ZBTB7C: variants seen among roughly 807,000 people sequenced by gnomAD.
ZBTB7C encodes zinc finger and BTB domain containing 7C.
Under a neutral mutation model 25.7 loss-of-function variants are expected in ZBTB7C, and 8 were observed. That is an observed-to-expected ratio of 0.31 (90% CI 0.18 to 0.56). The LOEUF is 0.56. Among genes scored for constraint, ZBTB7C ranks in the 20% least tolerant of loss-of-function variants. The pLI is 0.91. For synonymous variants in ZBTB7C, 394 were observed against 369.0 expected, an observed-to-expected ratio of 1.07 and a Z score of -0.78; for missense variants, 824 against 855.2, an observed-to-expected ratio of 0.96 and a Z score of 0.46.
intron 2 of ZBTB7C, among the ~76,000 whole-genome samples, chr18:48,253,431 G>C (rs2043927513): frequency 6.6e-6 from 1 of 152,142 alleles, no homozygotes; most frequent in South Asian, 2.1e-4. Context: ...CCAGACATGA[G>C]GCACTGAAAG....
At chr18:48,375,249 T>C (rs2047492178) in intron 1 of ZBTB7C, among the ~76,000 whole-genome samples, 1 of 152,182 alleles carries the variant, frequency 6.6e-6, no homozygotes, top group South Asian at 2.1e-4. Context: ...CCACCCGCAG[T>C]CTCTCCCCGC....
rs2039180529 is a variant in ZBTB7C, at chr18:48,110,063, G to A, written c.-16-68940C>T. Among the ~76,000 whole-genome samples, 2 of 151,794 alleles carry A rather than the reference G, an allele frequency of 1.3e-5. 1 individual carries two copies. The highest frequency in any genetic ancestry group is 4.2e-4 in the South Asian group (2 of 4,814). On this transcript the variant is annotated intron_variant, in intron 3 of 4. Transcript: ENST00000590800. ...TAGAGACCCAGGATCCTTACATTCA[G>A]CTCAGCATTCTTTCCTACTCTGTAT... is the stretch of plus-strand genomic sequence containing the variant.
At chr18:48,399,013 A>G (rs2048095427) in intron 1 of ZBTB7C, among the ~76,000 whole-genome samples, 1 of 152,246 alleles carries the variant, frequency 6.6e-6, no homozygotes, top group Non-Finnish European at 1.5e-5. Flanking sequence ...TCAGCAAAAG[A>G]CTGGAAACAA....
Position 48,029,727 on chromosome 18 carries a change from G to A in ZBTB7C, c.1393C>T (p.Arg465Cys), listed in dbSNP as rs1309913537. The A allele has an allele frequency of 1.2e-6, 2 of 1,602,340 alleles. No homozygotes were observed. The highest frequency in any genetic ancestry group is 1.7e-6 in the Non-Finnish European group (2 of 1,176,758). ...CGGCAGCTCTGGCGCTTGATGTGGC[G>A]GTGCAGGTGGTCAGAGCGCGTGAAG... ...KSFTRSDHLH[R>C]HIKRQSCRMA... Residue 465 changes from arginine (R) to cysteine (C), a missense_variant, in exon 5 of 5, where the codon CGC (arginine) becomes TGC (cysteine). By Grantham distance (180) the Arg-to-Cys change is radical. Coordinates refer to ENST00000590800, the MANE Select transcript of ZBTB7C (RefSeq NM_001318841.2).
chr18:48,378,146 A>G (rs1046484756), intron 1 of ZBTB7C, among the ~76,000 whole-genome samples: 2 of 152,188 alleles, frequency 1.3e-5, no homozygotes, highest in Admixed American at 1.3e-4. Context: ...TTCAAAAAAA[A>G]AGGAAGGTTG....
At chr18:48,303,817 A>C (rs1489811559) in intron 2 of ZBTB7C, among the ~76,000 whole-genome samples, 2 of 152,262 alleles carry the variant, frequency 1.3e-5, no homozygotes, top group African/African-American at 2.4e-5. Flanking sequence ...CCCTTTTTCA[A>C]GGTGAAACCA....
chr18:48,036,564 G>A (rs532280131), intron 4 of ZBTB7C, among the ~76,000 whole-genome samples: 4 of 152,328 alleles, frequency 2.6e-5, no homozygotes, highest in African/African-American at 9.6e-5. Context: ...AAGCTCAGCT[G>A]TGATGAAGGA....
intron 2 of ZBTB7C, among the ~76,000 whole-genome samples, chr18:48,242,383 G>C (rs887721780): frequency 1.3e-5 from 2 of 151,864 alleles, no homozygotes; most frequent in Non-Finnish European, 2.9e-5. Flanking sequence ...ATCAGGAAAG[G>C]ACATAACAAA....
At chr18:48,344,525 A>T (rs1436580179) in intron 1 of ZBTB7C, among the ~76,000 whole-genome samples, 1 of 152,192 alleles carries the variant, frequency 6.6e-6, no homozygotes, top group African/African-American at 2.4e-5. Flanking sequence ...GGGGAAAAAA[A>T]GGGAGACAGG....
chr18:48,198,501 A>C (rs2042366798), intron 2 of ZBTB7C, among the ~76,000 whole-genome samples: 1 of 151,950 alleles, frequency 6.6e-6, no homozygotes, highest in South Asian at 2.1e-4. Flanking sequence ...CCTTCTGGAG[A>C]CTCTCAGGAA....
At chr18:48,077,097 A>AT (rs1249669709) in intron 3 of ZBTB7C, 22 of 723,676 alleles carry the variant, frequency 3.0e-5, no homozygotes, top group Admixed American at 6.5e-5. Flanking sequence ...CTCCTCTATG[A>AT]TTTTTTTTCT....
intron 2 of ZBTB7C, among the ~76,000 whole-genome samples, chr18:48,231,945 G>C (rs1332281569): frequency 6.6e-6 from 1 of 152,204 alleles, no homozygotes; most frequent in African/African-American, 2.4e-5. Flanking sequence ...GCCTGGTGCT[G>C]CCCACCCTGC....
At chr18:48,152,363 C>T (rs1453472532) in intron 3 of ZBTB7C, among the ~76,000 whole-genome samples, 2 of 151,924 alleles carry the variant, frequency 1.3e-5, no homozygotes, top group African/African-American at 2.4e-5. Flanking sequence ...AGGTTGTTGA[C>T]TAGAACTATA....
At chr18:48,157,969 T>G (rs2040888137) in intron 3 of ZBTB7C, among the ~76,000 whole-genome samples, 1 of 151,938 alleles carries the variant, frequency 6.6e-6, no homozygotes. Flanking sequence ...GGAATAGGGC[T>G]TGAGGGAGGT....
chr18:48,072,241 GA>G (rs1199206018), intron 3 of ZBTB7C, among the ~76,000 whole-genome samples: 1 of 152,216 alleles, frequency 6.6e-6, no homozygotes, highest in Non-Finnish European at 1.5e-5. Flanking sequence ...CTACTTCTCT[GA>G]ATTTCAAGTC....
At chr18:48,089,437 A>ACTACAGCC (rs1433955925) in intron 3 of ZBTB7C, among the ~76,000 whole-genome samples, 2 of 151,154 alleles carry the variant, frequency 1.3e-5, no homozygotes, top group Non-Finnish European at 2.9e-5. Flanking sequence ...ACGCCACTGC[A>ACTACAGCC]CTACAGCCTG....
chr18:48,312,255 T>C (rs1438229566), intron 2 of ZBTB7C, among the ~76,000 whole-genome samples: 1 of 152,206 alleles, frequency 6.6e-6, no homozygotes, highest in East Asian at 1.9e-4. Flanking sequence ...AGGGATCTTC[T>C]TGAGGCCATC....
intron 3 of ZBTB7C, among the ~76,000 whole-genome samples, chr18:48,158,787 CCTT>C (rs2040913847): frequency 6.6e-6 from 1 of 152,178 alleles, no homozygotes; most frequent in South Asian, 2.1e-4. Context: ...TCAGGCATGG[CCTT>C]CTTCACCTCA....
chr18:48,125,644 G>A (rs2039775523), intron 3 of ZBTB7C, among the ~76,000 whole-genome samples: 1 of 152,222 alleles, frequency 6.6e-6, no homozygotes, highest in Non-Finnish European at 1.5e-5. Context: ...TGGTCTTGGG[G>A]TCAGGCAGAT....
Sources: gnomAD v4.1 joint callset for allele counts (sites outside exome capture counted in the v4.1 genomes callset) on GRCh38, gnomAD v4.1.1 for gene constraint, MANE v1.5 for transcripts, NCBI Gene and HGNC (gene_info 2026-07-23, HGNC 2026-07-21) for gene names.